Variants in NRXN3 observed in about 807,000 individuals in gnomAD.
The protein encoded by NRXN3 is neurexin III.
NRXN3 carries 32 observed loss-of-function variants against 137.6 expected under a neutral mutation model. The ratio of observed to expected loss-of-function variants is 0.23; its 90% confidence interval spans 0.18 to 0.31. The LOEUF is 0.31. Ranked by LOEUF, NRXN3 falls within the 10% of genes least tolerant of loss-of-function variation. NRXN3 has a pLI of 1.00. For synonymous variants in NRXN3, 798 were observed against 784.5 expected (o/e 1.02, Z -0.29); for missense variants, 1,574 against 2,062.5 (o/e 0.76, Z 4.59).
chr14:78,856,950 CTCAA>C (rs1226729006), intron 10 of NRXN3, among the ~76,000 whole-genome samples: 1 of 152,132 alleles, frequency 6.6e-6, no homozygotes, highest in Non-Finnish European at 1.5e-5. Context: ...CCAGGCTGGC[CTCAA>C]ACTCCTCACC....
chr14:78,280,889 C>T (rs1380432606), intron 3 of NRXN3, among the ~76,000 whole-genome samples: 1 of 152,156 alleles, frequency 6.6e-6, no homozygotes, highest in East Asian at 1.9e-4. Flanking sequence ...TCATTTTGTT[C>T]TGTTATCCCT....
Position 78,297,863 on chromosome 14 carries a change from A to T in NRXN3, c.757+3A>T. 6.5e-7 allele frequency: 1 copy of T among 1,536,228 alleles called. No individual in the cohort carries two copies. The highest frequency in any genetic ancestry group is 8.7e-7 in the Non-Finnish European group (1 of 1,146,896). ...CCACCTCATGATGAGTGAACAAGGTAGGTGCTTTGTGCTTGTGGTCCTGCA... is the reference window on the plus strand; with the variant it reads ...CCACCTCATGATGAGTGAACAAGGTTGGTGCTTTGTGCTTGTGGTCCTGCA... On this transcript the variant is annotated splice_donor_region_variant and intron_variant, in intron 4 of 20. Transcript: ENST00000335750.
chr14:78,684,778 A>C (rs920429034), intron 6 of NRXN3, among the ~76,000 whole-genome samples: 1 of 152,230 alleles, frequency 6.6e-6, no homozygotes, highest in Non-Finnish European at 1.5e-5. Flanking sequence ...TGGGAGACAG[A>C]GCAAGACCTT....
At chr14:78,479,140 T>C (rs931264478) in intron 4 of NRXN3, among the ~76,000 whole-genome samples, 7 of 152,226 alleles carry the variant, frequency 4.6e-5, no homozygotes, top group Non-Finnish European at 8.8e-5. Context: ...CCATCTTGGC[T>C]ACACATTAGA....
intron 15 of NRXN3, among the ~76,000 whole-genome samples, chr14:79,262,033 A>G (rs1486451367): frequency 3.9e-5 from 6 of 152,100 alleles, no homozygotes; most frequent in African/African-American, 1.4e-4. Context: ...GCATCAGAGA[A>G]GGGAAACACA....
At chr14:79,632,200 G>A (rs28407338) in intron 16 of NRXN3, 10,892 of 154,198 alleles carry the variant, frequency 0.071, 1,299 homozygotes, top group African/African-American at 0.25. Flanking sequence ...TCCACCAGAA[G>A]GAAGAAACTC....
intron 1 of NRXN3, among the ~76,000 whole-genome samples, chr14:78,230,368 G>A (rs1051012205): frequency 2.6e-5 from 4 of 151,598 alleles, no homozygotes; most frequent in Non-Finnish European, 5.9e-5. Flanking sequence ...GACTTCCTCA[G>A]CAAAGGGCAG....
Position 79,647,026 on chromosome 14 carries a change from A to G in NRXN3, c.3445-16752A>G, listed in dbSNP as rs942245008. Among the ~76,000 whole-genome samples, 2 of 135,376 alleles carry G rather than the reference A, an allele frequency of 1.5e-5. 1 individual carries two copies. The highest frequency in any genetic ancestry group is 3.4e-5 in the Non-Finnish European group (2 of 58,268). The allele number at this position is 135,376 out of a possible 152,430, so 88.8% of individuals were successfully genotyped here. On this transcript the variant is annotated intron_variant, in intron 16 of 20. Transcript: ENST00000335750. ...TGTGGCCAGGTCTAAGTGTTGCCCC[A>G]ATCCGTTCTCCCATCCAACTCCACA...
intron 2 of NRXN3, among the ~76,000 whole-genome samples, chr14:78,273,663 T>G (rs61976008): frequency 0.042 from 6,379 of 152,160 alleles, 176 homozygotes; most frequent in Middle Eastern, 0.075. Flanking sequence ...AGGAAATACA[T>G]AGGTAAATAT....
intron 10 of NRXN3, among the ~76,000 whole-genome samples, chr14:78,926,763 T>A (rs1451458274): frequency 6.6e-5 from 3 of 45,544 alleles, no homozygotes; most frequent in Admixed American, 3.8e-4. Context: ...ATATATATAT[T>A]ATATATATTA....
intron 19 of NRXN3, among the ~76,000 whole-genome samples, chr14:79,755,775 A>AAT (rs2099017399): frequency 6.6e-6 from 1 of 152,176 alleles, no homozygotes; most frequent in Non-Finnish European, 1.5e-5. Flanking sequence ...CTTGGAAATC[A>AAT]TGCCATTGTT....
At chr14:79,834,379 T>C (rs1477613421) in intron 20 of NRXN3, among the ~76,000 whole-genome samples, 1 of 152,140 alleles carries the variant, frequency 6.6e-6, no homozygotes, top group African/African-American at 2.4e-5. Flanking sequence ...GCTAAATGTG[T>C]TCAGAGAATG....
At chr14:79,482,358 C>T (rs1481926996) in intron 16 of NRXN3, among the ~76,000 whole-genome samples, 1 of 152,126 alleles carries the variant, frequency 6.6e-6, no homozygotes. Flanking sequence ...ACAGCAGTTT[C>T]AGGACCACCT....
At chr14:78,192,863 A>G (rs1172913993) in intron 1 of NRXN3, among the ~76,000 whole-genome samples, 1 of 152,186 alleles carries the variant, frequency 6.6e-6, no homozygotes, top group Non-Finnish European at 1.5e-5. Context: ...AAAAGAAGTT[A>G]CCATTAACCA....
chr14:79,808,966 G>T (rs1568324783), intron 20 of NRXN3, among the ~76,000 whole-genome samples: 1 of 151,994 alleles, frequency 6.6e-6, no homozygotes, highest in Non-Finnish European at 1.5e-5. Context: ...TTTGGAGTTT[G>T]GTCAATAGGA....
At chr14:79,455,512 A>G (rs1385556214) in intron 15 of NRXN3, among the ~76,000 whole-genome samples, 3 of 152,144 alleles carry the variant, frequency 2.0e-5, no homozygotes, top group African/African-American at 7.2e-5. Context: ...CTAGATCTGT[A>G]TTTTTTAATT....
At chr14:78,393,184 T>C (rs2090995255) in intron 4 of NRXN3, among the ~76,000 whole-genome samples, 1 of 113,422 alleles carries the variant, frequency 8.8e-6, no homozygotes, top group African/African-American at 4.5e-5. Flanking sequence ...ATACATGTGA[T>C]TTTTTTTTTT....
At chr14:79,195,122 C>T (rs1334546424) in intron 15 of NRXN3, among the ~76,000 whole-genome samples, 1 of 152,064 alleles carries the variant, frequency 6.6e-6, no homozygotes, top group Admixed American at 6.6e-5. Flanking sequence ...TTGTCCTGTA[C>T]CCCTGGCTTC....
chr14:79,806,300 C>G (rs1170416711), intron 20 of NRXN3, among the ~76,000 whole-genome samples: 1 of 152,000 alleles, frequency 6.6e-6, no homozygotes, highest in Non-Finnish European at 1.5e-5. Context: ...AAAAACCTTC[C>G]ATTTCTGACC....
Sources: gnomAD v4.1 joint callset for allele counts (sites outside exome capture counted in the v4.1 genomes callset) on GRCh38, gnomAD v4.1.1 for gene constraint, MANE v1.5 for transcripts, NCBI Gene and HGNC (gene_info 2026-07-23, HGNC 2026-07-21) for gene names.